ABI1: variants seen among roughly 807,000 people sequenced by gnomAD.
The protein encoded by ABI1 is abl interactor 1, also known as Abelson interactor 1.
A neutral mutation model predicts 54.6 loss-of-function variants in ABI1; 14 were observed. The observed-to-expected ratio is 0.26, with a 90% CI of 0.17 to 0.40. The LOEUF is 0.40. Among genes scored for constraint, ABI1 ranks in the 10% least tolerant of loss-of-function variants. The probability of loss-of-function intolerance (pLI) is 1.00; values close to 1 mark genes in which losing one functional copy is unlikely to be tolerated. For missense variants in ABI1, 443 were observed against 598.3 expected (o/e 0.74, Z 2.71); for synonymous variants, 194 against 209.3 (o/e 0.93, Z 0.63).
intron 1 of ABI1, among the ~76,000 whole-genome samples, chr10:26,838,855 C>A (rs549362616): frequency 6.6e-6 from 1 of 152,306 alleles, no homozygotes; most frequent in South Asian, 2.1e-4. Flanking sequence ...AAGAATAGAA[C>A]CGCTACGTCT....
intron 1 of ABI1, among the ~76,000 whole-genome samples, chr10:26,850,384 G>A (rs957261336): frequency 6.6e-6 from 1 of 152,156 alleles, no homozygotes; most frequent in East Asian, 1.9e-4. Flanking sequence ...TCTCGGCCAG[G>A]TGTGGTGGCT....
intron 10 of ABI1, among the ~76,000 whole-genome samples, chr10:26,750,441 C>T (rs1163636243): frequency 6.6e-6 from 1 of 152,152 alleles, no homozygotes; most frequent in Non-Finnish European, 1.5e-5. Flanking sequence ...TTGCAGTGAG[C>T]CGAGATTGCA....
intron 3 of ABI1, among the ~76,000 whole-genome samples, chr10:26,773,677 TGG>T (rs1215828903): frequency 6.6e-6 from 1 of 152,220 alleles, no homozygotes; most frequent in East Asian, 1.9e-4. Flanking sequence ...TCCAGCATTC[TGG>T]GTTCCTACTT....
intron 1 of ABI1, among the ~76,000 whole-genome samples, chr10:26,855,165 T>C (rs187758393): frequency 1.5e-3 from 225 of 151,552 alleles, no homozygotes; most frequent in African/African-American, 5.0e-3. Flanking sequence ...TAAAGGATAC[T>C]TAACCTGTAG....
At chr10:26,855,707 A>C (rs924672437) in intron 1 of ABI1, among the ~76,000 whole-genome samples, 15 of 152,140 alleles carry the variant, frequency 9.9e-5, no homozygotes, top group African/African-American at 3.6e-4. Flanking sequence ...GCGGTGGCTC[A>C]CACCTGTAAT....
At chr10:26,801,546 CAA>C (rs879767122) in intron 2 of ABI1, among the ~76,000 whole-genome samples, 5 of 135,328 alleles carry the variant, frequency 3.7e-5, no homozygotes, top group Admixed American at 7.4e-5. Flanking sequence ...GAACTTGTCT[CAA>C]AAAAAAAAAG....
At chr10:26,808,672 G>A (rs1425400588) in intron 2 of ABI1, among the ~76,000 whole-genome samples, 1 of 152,032 alleles carries the variant, frequency 6.6e-6, no homozygotes, top group Non-Finnish European at 1.5e-5. Context: ...GCAGTGAGCC[G>A]AGATCATGCC....
At chr10:26,749,551 A>G (rs1837348367) in intron 10 of ABI1, among the ~76,000 whole-genome samples, 1 of 152,126 alleles carries the variant, frequency 6.6e-6, no homozygotes, top group Non-Finnish European at 1.5e-5. Context: ...ATGTGCCTGC[A>G]TTTTGATTGT....
intron 6 of ABI1, among the ~76,000 whole-genome samples, chr10:26,767,537 G>A (rs1275528751): frequency 6.6e-6 from 1 of 152,254 alleles, no homozygotes; most frequent in African/African-American, 2.4e-5. Context: ...ATATTTTGGG[G>A]GAAGAAGGTC....
At chr10:26,831,992 T>C (rs966867753) in intron 1 of ABI1, among the ~76,000 whole-genome samples, 2 of 152,236 alleles carry the variant, frequency 1.3e-5, no homozygotes, top group Non-Finnish European at 2.9e-5. Flanking sequence ...AAAAAATGTT[T>C]TACAACAAAA....
At chr10:26,855,519 C>G (rs972436799) in intron 1 of ABI1, among the ~76,000 whole-genome samples, 2 of 152,190 alleles carry the variant, frequency 1.3e-5, no homozygotes, top group African/African-American at 4.8e-5. Flanking sequence ...ACAGCACTGT[C>G]TGTCGTGGCG....
chr10:26,853,652 C>T (rs1008285078), intron 1 of ABI1, among the ~76,000 whole-genome samples: 1 of 151,794 alleles, frequency 6.6e-6, no homozygotes, highest in African/African-American at 2.4e-5. Context: ...CATTCAGCCG[C>T]CTCAGCCTCC....
At chr10:26,817,519 C>T (rs1352153353) in intron 2 of ABI1, among the ~76,000 whole-genome samples, 1 of 152,162 alleles carries the variant, frequency 6.6e-6, no homozygotes, top group Non-Finnish European at 1.5e-5. Context: ...TGTCCGTAGT[C>T]CCAGCTACTC....
intron 3 of ABI1, among the ~76,000 whole-genome samples, chr10:26,775,981 G>A (rs750356020): frequency 1.7e-4 from 26 of 152,014 alleles, no homozygotes; most frequent in Non-Finnish European, 3.5e-4. Flanking sequence ...CCAGATTCTC[G>A]AAACTCCAAT....
chr10:26,811,192 G>A (rs908441025), intron 2 of ABI1, among the ~76,000 whole-genome samples: 1 of 152,012 alleles, frequency 6.6e-6, no homozygotes, highest in Non-Finnish European at 1.5e-5. Flanking sequence ...TGAAACAAAT[G>A]TTTATCAATG....
intron 2 of ABI1, among the ~76,000 whole-genome samples, chr10:26,791,042 G>T (rs187210512): frequency 3.0e-4 from 37 of 123,676 alleles, no homozygotes; most frequent in African/African-American, 1.2e-3. Context: ...CTGCACTACA[G>T]CCCAGGTAAG....
chr10:26,829,328 C>G (rs1235759138), intron 1 of ABI1, among the ~76,000 whole-genome samples: 2 of 151,948 alleles, frequency 1.3e-5, no homozygotes, highest in Non-Finnish European at 2.9e-5. Context: ...GACTGTCTAG[C>G]AGCCATGGAG....
Position 26,823,124 on chromosome 10 carries a change from T to C in ABI1, c.285+14A>G. 6.4e-7 allele frequency: 1 copy of C among 1,567,150 alleles called. No homozygotes were observed. Among genetic ancestry groups the C allele is most frequent in the Non-Finnish European group, 8.6e-7 (1 of 1,164,812 alleles). On this transcript the variant is annotated intron_variant, in intron 2 of 10. Coordinates refer to ENST00000376140, the MANE Select transcript of ABI1 (RefSeq NM_001012750.3). The stretch of plus-strand genomic sequence containing the variant: ...TTTTTTAAATTGAATTTAAAGCATT[T>C]TATAAGCTGTTACCTGTGAGATATG...
At chr10:26,816,825 C>A (rs1218620201) in intron 2 of ABI1, among the ~76,000 whole-genome samples, 1 of 151,926 alleles carries the variant, frequency 6.6e-6, no homozygotes, top group African/African-American at 2.4e-5. Context: ...TTTTGTATAC[C>A]TTGAGCATGC....
Sources: allele counts gnomAD v4.1 joint callset (sites outside exome capture counted in the v4.1 genomes callset), GRCh38; gene constraint gnomAD v4.1.1; transcripts MANE v1.5; gene names NCBI Gene and HGNC (gene_info 2026-07-23, HGNC 2026-07-21).